The following LPXN variants were observed in gnomAD, a reference collection of about 807,000 sequenced individuals.
The protein encoded by LPXN is leupaxin.
Under a neutral mutation model 45.6 loss-of-function variants are expected in LPXN, and 28 were observed. That is an observed-to-expected ratio of 0.61 (90% CI 0.45 to 0.84). The LOEUF (loss-of-function observed/expected upper bound fraction) is 0.84. Among genes scored for constraint, LPXN ranks in the 40% least tolerant of loss-of-function variants. LPXN has a pLI of 0.00. For missense variants in LPXN, 459 were observed against 475.0 expected (o/e 0.97, Z 0.31); for synonymous variants, 166 against 169.9 (o/e 0.98, Z 0.18).
intron 3 of LPXN, among the ~76,000 whole-genome samples, chr11:58,559,450 T>C (rs902699021): frequency 6.6e-6 from 1 of 152,064 alleles, no homozygotes; most frequent in Non-Finnish European, 1.5e-5. Context: ...GGAGCTAAAG[T>C]AAAATAAATA....
intron 7 of LPXN, among the ~76,000 whole-genome samples, chr11:58,544,180 G>C (rs1002353718): frequency 3.3e-5 from 5 of 152,126 alleles, no homozygotes; most frequent in Non-Finnish European, 5.9e-5. Flanking sequence ...AAGGGAAACT[G>C]AATACCGTAA....
At chr11:58,572,948 AAAG>A (rs1255808603) in intron 1 of LPXN, among the ~76,000 whole-genome samples, 2 of 152,192 alleles carry the variant, frequency 1.3e-5, no homozygotes, top group South Asian at 4.1e-4. Flanking sequence ...AGTTTTTTAA[AAAG>A]AAGGACAAAT....
At chr11:58,544,403 C>T (rs1406022880) in intron 7 of LPXN, among the ~76,000 whole-genome samples, 1 of 152,146 alleles carries the variant, frequency 6.6e-6, no homozygotes, top group East Asian at 1.9e-4. Flanking sequence ...GATGCTGATG[C>T]TGCATAAAGC....
At position 58,527,404 on chromosome 11, in the gene LPXN, CTT is replaced by C. The variant is rs757401302; in HGVS notation, c.*48_*49del. On this transcript the variant is annotated 3_prime_UTR_variant, in exon 9 of 9. Transcript: ENST00000395074. Reference sequence around the variant, plus strand: ...GAAAATTTACCCTTTCCTCTCCTCTCTTGGTTTAAATTTTATAAGGAATCTGA... The same window carrying C: ...GAAAATTTACCCTTTCCTCTCCTCTCGGTTTAAATTTTATAAGGAATCTGA... The C allele has an allele frequency of 5.0e-6, 8 of 1,594,876 alleles. No homozygotes were observed. In the African/African-American group the frequency reaches 5.4e-5, roughly 11 times the overall value.
chr11:58,554,879 C>T lies in LPXN; in HGVS notation c.280G>A (p.Asp94Asn), dbSNP rs762747318. The change falls in exon 4 of 9, where the codon GAT (aspartate) becomes AAT (asparagine). Residue 94 changes from aspartate (D) to asparagine (N), a missense_variant. Asp to Asn is a conservative substitution (Grantham distance 23, BLOSUM62 1). Transcript: ENST00000395074. Reference protein sequence around the residue: ...PSKTSAAAQLDELMAHLTEMQ... With the variant: ...PSKTSAAAQLNELMAHLTEMQ... ...TCAGTCAGGTGAGCCATGAGCTCAT[C>T]CAACTGAGCAGCTGCTGACGTTTTA... is the stretch of plus-strand genomic sequence containing the variant. 7 of 1,614,042 alleles carry T rather than the reference C, an allele frequency of 4.3e-6. No homozygotes were observed. The highest frequency in any genetic ancestry group is 3.4e-6 in the Non-Finnish European group (4 of 1,179,982).
chr11:58,569,011 C>T (rs1267768439), intron 2 of LPXN, among the ~76,000 whole-genome samples: 1 of 152,158 alleles, frequency 6.6e-6, no homozygotes, highest in Non-Finnish European at 1.5e-5. Context: ...GAGCCTACAG[C>T]TATAATCTAA....
chr11:58,565,880 C>T (rs1479945650), intron 2 of LPXN, among the ~76,000 whole-genome samples: 1 of 152,032 alleles, frequency 6.6e-6, no homozygotes, highest in Non-Finnish European at 1.5e-5. Context: ...TGCCTGTAGT[C>T]CCAGCTACTC....
At chr11:58,575,953 T>C (rs1854876407), upstream of LPXN, 4 of 1,432,656 alleles carry the variant, frequency 2.8e-6, no homozygotes, top group Non-Finnish European at 3.6e-6. Flanking sequence ...TTTTTTTTTT[T>C]TCATAGGTTA....
At chr11:58,564,028 A>G (rs1590576864) in intron 3 of LPXN, 127 bp downstream of exon 3, 1 of 624,878 alleles carries the variant, frequency 1.6e-6, no homozygotes, top group East Asian at 2.9e-5. Context: ...AAGACTATGG[A>G]AAGAGGAGGA....
chr11:58,550,939 A>C, intron 5 of LPXN, 126 bp downstream of exon 5: 1 of 836,426 alleles, frequency 1.2e-6, no homozygotes, highest in South Asian at 2.6e-5. Flanking sequence ...TGGCCAGAGC[A>C]CTGTAAGTGA....
At chr11:58,556,891 C>T (rs764692063) in intron 3 of LPXN, among the ~76,000 whole-genome samples, 2 of 151,956 alleles carry the variant, frequency 1.3e-5, no homozygotes, top group Admixed American at 6.5e-5. Context: ...GAGCAAAGGA[C>T]CTGAATAGAT....
chr11:58,555,475 A>C (rs538871286), intron 3 of LPXN, among the ~76,000 whole-genome samples: 1 of 152,276 alleles, frequency 6.6e-6, no homozygotes, highest in African/African-American at 2.4e-5. Flanking sequence ...AATAAATAAA[A>C]CTTTGGACCC....
At chr11:58,538,631 T>C (rs894893585) in intron 7 of LPXN, among the ~76,000 whole-genome samples, 1 of 152,202 alleles carries the variant, frequency 6.6e-6, no homozygotes, top group Non-Finnish European at 1.5e-5. Context: ...GAGTAGATTC[T>C]GATGCTCTTA....
At position 58,570,642 on chromosome 11, in the gene LPXN, G is replaced by T. The variant is rs200586488; in HGVS notation, c.85C>A (p.Pro29Thr). 40 of 1,613,864 alleles carry T rather than the reference G, an allele frequency of 2.5e-5. No homozygotes were observed. In the East Asian group the frequency reaches 7.4e-4, roughly 30 times the overall value. ...TCCTTTCTGGAATGCTGATCCAGGG[G>T]AAGAGGAGCTGGGTTGGAATATTCA... ...SDEYSNPAPL[P>T]LDQHSRKETN... Residue 29 changes from proline (P) to threonine (T), a missense_variant, in exon 2 of 9, where the codon CCC becomes ACC. Coordinates refer to ENST00000395074, the MANE Select transcript of LPXN (RefSeq NM_004811.3).
Position 58,528,125 on chromosome 11 carries a change from C to T in LPXN, c.809G>A (p.Cys270Tyr), listed in dbSNP as rs1012664017. ...CAACACTGGGCGATTGCAGCCACCA[C>T]ACTTGGGTGAGAACATGGCTAAGAA... ...KDFLAMFSPK[C>Y]GGCNRPVLEN... The change falls in exon 8 of 9, where the codon TGT becomes TAT. Residue 270 changes from cysteine (C) to tyrosine (Y), a missense_variant. Physicochemically the swap from Cys to Tyr is radical, Grantham distance 194. Transcript: ENST00000395074. 6.2e-7 allele frequency: 1 copy of T among 1,614,230 alleles called. No individual in the cohort carries two copies.
intron 2 of LPXN, among the ~76,000 whole-genome samples, chr11:58,566,791 T>C (rs1335153213): frequency 1.3e-5 from 2 of 152,312 alleles, no homozygotes; most frequent in African/African-American, 4.8e-5. Flanking sequence ...CGATTAAAAA[T>C]TTCCAACTGG....
At chr11:58,574,193 T>C (rs1854805011) in intron 1 of LPXN, among the ~76,000 whole-genome samples, 1 of 152,220 alleles carries the variant, frequency 6.6e-6, no homozygotes, top group Non-Finnish European at 1.5e-5. Context: ...GGCTACTTGG[T>C]ACTTTCTGTA....
chr11:58,561,375 T>C (rs2120354531), intron 3 of LPXN, among the ~76,000 whole-genome samples: 1 of 152,290 alleles, frequency 6.6e-6, no homozygotes, highest in South Asian at 2.1e-4. Flanking sequence ...AAGGAAAATA[T>C]AAGAGGAAAA....
intron 4 of LPXN, among the ~76,000 whole-genome samples, chr11:58,553,223 C>T (rs1452560067): frequency 6.6e-6 from 1 of 151,420 alleles, no homozygotes; most frequent in Non-Finnish European, 1.5e-5. Context: ...GTAATCACAG[C>T]TACTCAGGAG....
Sources: gnomAD v4.1 joint callset for allele counts (sites outside exome capture counted in the v4.1 genomes callset) on GRCh38, gnomAD v4.1.1 for gene constraint, MANE v1.5 for transcripts, NCBI Gene and HGNC (gene_info 2026-07-23, HGNC 2026-07-21) for gene names.